Variants in TMEM132C observed in about 807,000 individuals in gnomAD.
TMEM132C encodes the protein protein phosphatase 1, regulatory subunit 152.
Under a neutral mutation model 61.4 loss-of-function variants are expected in TMEM132C, and 29 were observed. The ratio of observed to expected loss-of-function variants is 0.47; its 90% CI spans 0.35 to 0.64. The LOEUF (loss-of-function observed/expected upper bound fraction) is 0.64. Among genes scored for constraint, TMEM132C ranks in the 30% least tolerant of loss-of-function variants. The probability of loss-of-function intolerance (pLI) is 0.00; values close to 1 mark genes in which losing one functional copy is unlikely to be tolerated. For synonymous variants in TMEM132C, 656 were observed against 633.1 expected, an observed-to-expected ratio of 1.04 and a Z score of -0.54; for missense variants, 1,408 against 1,476.9, an observed-to-expected ratio of 0.95 and a Z score of 0.76.
At chr12:128,287,964 G>A (rs540804931) in intron 1 of TMEM132C, among the ~76,000 whole-genome samples, 11 of 152,158 alleles carry the variant, frequency 7.2e-5, no homozygotes, top group East Asian at 3.9e-4. Flanking sequence ...TAGCCCTTCC[G>A]GACATTGAGT....
intron 2 of TMEM132C, among the ~76,000 whole-genome samples, chr12:128,500,502 G>C: frequency 6.6e-6 from 1 of 151,846 alleles, no homozygotes; most frequent in East Asian, 1.9e-4. Flanking sequence ...ATGACAAAAA[G>C]TCAAATAATT....
intron 4 of TMEM132C, among the ~76,000 whole-genome samples, chr12:128,623,787 G>A (rs568108831): frequency 6.6e-5 from 10 of 151,778 alleles, no homozygotes; most frequent in South Asian, 4.2e-4. Flanking sequence ...CAGCCTTGGC[G>A]ACAGAGCAAG....
At chr12:128,472,201 CT>C (rs1870974768) in intron 2 of TMEM132C, among the ~76,000 whole-genome samples, 1 of 152,080 alleles carries the variant, frequency 6.6e-6, no homozygotes, top group African/African-American at 2.4e-5. Context: ...ACTCGGGTTT[CT>C]ATATTGATGT....
At chr12:128,379,481 G>A (rs139062536) in intron 1 of TMEM132C, among the ~76,000 whole-genome samples, 53 of 152,302 alleles carry the variant, frequency 3.5e-4, no homozygotes, top group Non-Finnish European at 6.5e-4. Context: ...ATTCCTGTCA[G>A]TTCTAGAGGC....
chr12:128,620,868 A>T (rs1953957424), intron 4 of TMEM132C, among the ~76,000 whole-genome samples: 1 of 152,124 alleles, frequency 6.6e-6, no homozygotes. Flanking sequence ...AATCAAATTA[A>T]AAATAAAGTG....
chr12:128,574,880 A>G (rs1047932482), intron 3 of TMEM132C, among the ~76,000 whole-genome samples: 10 of 152,168 alleles, frequency 6.6e-5, no homozygotes, highest in African/African-American at 2.4e-4. Context: ...GCCTCTTCAC[A>G]TATTTCCATT....
intron 2 of TMEM132C, among the ~76,000 whole-genome samples, chr12:128,522,860 A>G (rs1421490717): frequency 6.6e-6 from 1 of 152,208 alleles, no homozygotes; most frequent in Non-Finnish European, 1.5e-5. Flanking sequence ...AGACTGTTAA[A>G]GAAAAAACAA....
intron 8 of TMEM132C, among the ~76,000 whole-genome samples, chr12:128,702,837 G>A (rs1954813276): frequency 6.6e-6 from 1 of 152,224 alleles, no homozygotes; most frequent in Admixed American, 6.5e-5. Context: ...CATGGAGTGG[G>A]TGCTGCTACC....
intron 2 of TMEM132C, among the ~76,000 whole-genome samples, chr12:128,498,224 G>A (rs1872035183): frequency 6.6e-6 from 1 of 152,144 alleles, no homozygotes; most frequent in African/African-American, 2.4e-5. Flanking sequence ...GATTGGAAAT[G>A]GGACACATAC....
At chr12:128,703,945 T>G (rs1954819713) in intron 8 of TMEM132C, among the ~76,000 whole-genome samples, 1 of 152,152 alleles carries the variant, frequency 6.6e-6, no homozygotes, top group Non-Finnish European at 1.5e-5. Flanking sequence ...GGAAGCAGAA[T>G]AGAAGTACCC....
At chr12:128,332,488 G>C (rs1872689349) in intron 1 of TMEM132C, among the ~76,000 whole-genome samples, 1 of 152,206 alleles carries the variant, frequency 6.6e-6, no homozygotes, top group African/African-American at 2.4e-5. Context: ...AGCCACAGTG[G>C]TTTTCTTGGA....
rs151133431 is a variant in TMEM132C at position 128,517,446 on chromosome 12, C to G, written c.975-26511C>G. Among the ~76,000 whole-genome samples the G allele has an allele frequency of 1.3e-3, 199 of 152,072 alleles. 1 individual carries two copies. The highest frequency in any genetic ancestry group is 4.5e-3 in the African/African-American group (186 of 41,512). The stretch of plus-strand genomic sequence containing the variant: ...TGAGACACCATCTCAACAACAACAA[C>G]AACAAACTCAAGTTAATAATTTGCA... On this transcript the variant is annotated intron_variant, in intron 2 of 8. Transcript: ENST00000435159.
intron 5 of TMEM132C, among the ~76,000 whole-genome samples, chr12:128,681,293 T>G (rs1357212182): frequency 2.0e-5 from 3 of 152,190 alleles, no homozygotes; most frequent in African/African-American, 7.2e-5. Flanking sequence ...TTTTCATTTT[T>G]ATAAGTTTTT....
rs1870340562 is a variant in TMEM132C, at chr12:128,267,363, T to TCGGGCTGGCGG, written c.-32_-22dup. The stretch of plus-strand genomic sequence containing the variant: ...GGGGGCCGCGGGCGGGCGCTGCGCT[T>TCGGGCTGGCGG]CGGGCTGGCGGCGGGCTGCGTGAGC... On this transcript the variant is annotated 5_prime_UTR_variant, in exon 1 of 9. The change abolishes the stop of an existing upstream ORF in the 5' untranslated region. Transcript: ENST00000435159. The TCGGGCTGGCGG allele has an allele frequency of 9.8e-7, 1 of 1,019,360 alleles. No homozygotes were observed. Among genetic ancestry groups the TCGGGCTGGCGG allele is most frequent in the Non-Finnish European group, 1.2e-6 (1 of 853,000 alleles). The allele number at this position is 1,019,360 out of a possible 1,614,324, so 63.1% of individuals were successfully genotyped here.
intron 1 of TMEM132C, among the ~76,000 whole-genome samples, chr12:128,306,688 TATAAA>T (rs1238772723): frequency 6.6e-6 from 1 of 152,182 alleles, no homozygotes; most frequent in African/African-American, 2.4e-5. Context: ...AAGAAGAACA[TATAAA>T]AGGAAGAGAC....
chr12:128,529,585 A>G (rs1873212146), intron 2 of TMEM132C, among the ~76,000 whole-genome samples: 1 of 152,162 alleles, frequency 6.6e-6, no homozygotes, highest in Non-Finnish European at 1.5e-5. Flanking sequence ...GGAGTTTGAG[A>G]CCAGCCTGAT....
At chr12:128,604,447 AGATAATAGATG>A (rs1876333348) in intron 3 of TMEM132C, among the ~76,000 whole-genome samples, 1 of 149,976 alleles carries the variant, frequency 6.7e-6, no homozygotes, top group African/African-American at 2.5e-5. Flanking sequence ...ATAGATAGAT[AGATAATAGATG>A]GATAGATAGA....
intron 2 of TMEM132C, among the ~76,000 whole-genome samples, chr12:128,423,907 G>T (rs575922794): frequency 6.6e-6 from 1 of 151,684 alleles, no homozygotes; most frequent in Non-Finnish European, 1.5e-5. Flanking sequence ...TTAGCTGGGC[G>T]TGGTGGCAGG....
At chr12:128,521,487 C>T (rs1872906368) in intron 2 of TMEM132C, among the ~76,000 whole-genome samples, 1 of 132,304 alleles carries the variant, frequency 7.6e-6, no homozygotes, top group Admixed American at 9.8e-5. Context: ...CCGGTGGGAA[C>T]ACACATATTA....
Sources: gnomAD v4.1 joint callset for allele counts (sites outside exome capture counted in the v4.1 genomes callset) on GRCh38, gnomAD v4.1.1 for gene constraint, MANE v1.5 for transcripts, NCBI Gene and HGNC (gene_info 2026-07-23, HGNC 2026-07-21) for gene names.